Variants in PDZRN4 observed in about 807,000 individuals in gnomAD.
PDZRN4 encodes the protein PDZ domain-containing RING finger protein 4.
In PDZRN4, 70 loss-of-function variants were observed where a neutral mutation model predicts 99.0. That is an observed-to-expected ratio of 0.71 (90% CI 0.58 to 0.86). The LOEUF (loss-of-function observed/expected upper bound fraction) is 0.86. Ranked by LOEUF, PDZRN4 falls within the 40% of genes least tolerant of loss-of-function variation. The pLI, the probability that PDZRN4 is intolerant of heterozygous loss-of-function variation, is 0.00. For synonymous variants in PDZRN4, 551 were observed against 501.6 expected (o/e 1.10, Z -1.32); for missense variants, 1,474 against 1,331.2 (o/e 1.11, Z -1.67).
chr12:41,430,324 C>T (rs544283482), intron 3 of PDZRN4, among the ~76,000 whole-genome samples: 10 of 152,214 alleles, frequency 6.6e-5, no homozygotes, highest in African/African-American at 2.4e-4. Context: ...CAAAAATTAG[C>T]TGGGTGTGGT....
At chr12:41,517,853 G>A (rs1938429005) in intron 5 of PDZRN4, among the ~76,000 whole-genome samples, 1 of 152,012 alleles carries the variant, frequency 6.6e-6, no homozygotes, top group African/African-American at 2.4e-5. Flanking sequence ...TCTATGTGTA[G>A]TAACCATATA....
chr12:41,255,579 A>G (rs1951199339), intron 3 of PDZRN4, among the ~76,000 whole-genome samples: 1 of 152,132 alleles, frequency 6.6e-6, no homozygotes, highest in Non-Finnish European at 1.5e-5. Context: ...TTTTTATTAC[A>G]TTTTAACTTC....
chr12:41,395,515 C>T (rs1017922152), intron 3 of PDZRN4, among the ~76,000 whole-genome samples: 13 of 152,154 alleles, frequency 8.5e-5, no homozygotes, highest in African/African-American at 3.1e-4. Context: ...TTCTTTGCTG[C>T]TTCCAGTGAG....
In PDZRN4 at chr12:41,194,141, C is replaced by A. The variant is rs1950755410; in HGVS notation, c.796C>A (p.Pro266Thr). ...CGTTTCAAAAATTTTAGAAAATGGACCTGCTGACAGAGCAGATGGCCTGGA... is the reference window on the plus strand; with the variant it reads ...CGTTTCAAAAATTTTAGAAAATGGAACTGCTGACAGAGCAGATGGCCTGGA... Reference protein sequence around the residue: ...IYVSKILENGPADRADGLEIH... With the variant: ...IYVSKILENGTADRADGLEIH... Residue 266 changes from proline (P) to threonine (T), a missense_variant, in exon 3 of 10, where the codon CCT (proline) becomes ACT (threonine). By Grantham distance (38) the Pro-to-Thr change is conservative. Coordinates refer to ENST00000402685, the MANE Select transcript of PDZRN4 (RefSeq NM_001164595.2). The A allele has an allele frequency of 6.4e-7, 1 of 1,571,896 alleles. No individual in the cohort carries two copies. Among genetic ancestry groups the A allele is most frequent in the Non-Finnish European group, 8.7e-7 (1 of 1,154,792 alleles).
At chr12:41,287,239 C>G (rs1951427772) in intron 3 of PDZRN4, among the ~76,000 whole-genome samples, 2 of 152,184 alleles carry the variant, frequency 1.3e-5, no homozygotes. Context: ...CTGCTACAGC[C>G]ATAGTCATGG....
intron 3 of PDZRN4, among the ~76,000 whole-genome samples, chr12:41,300,061 T>C: frequency 6.6e-6 from 1 of 152,080 alleles, no homozygotes. Flanking sequence ...TATAGATGTA[T>C]TTATTTGTGT....
chr12:41,541,809 A>G (rs1471838224), intron 5 of PDZRN4, among the ~76,000 whole-genome samples: 1 of 152,134 alleles, frequency 6.6e-6, no homozygotes, highest in Non-Finnish European at 1.5e-5. Context: ...TCATTTTGCG[A>G]ATGTTTAGAC....
intron 3 of PDZRN4, among the ~76,000 whole-genome samples, chr12:41,350,573 G>A (rs973803711): frequency 1.3e-5 from 2 of 151,972 alleles, no homozygotes; most frequent in South Asian, 2.1e-4. Flanking sequence ...AAATAGAAAC[G>A]CATTCTCAAG....
intron 3 of PDZRN4, among the ~76,000 whole-genome samples, chr12:41,304,255 C>T (rs936797413): frequency 6.6e-6 from 1 of 152,062 alleles, no homozygotes; most frequent in African/African-American, 2.4e-5. Context: ...GATATCAGAT[C>T]AAAAGGAGTT....
At chr12:41,214,629 T>C (rs189298607) in intron 3 of PDZRN4, among the ~76,000 whole-genome samples, 24 of 151,980 alleles carry the variant, frequency 1.6e-4, no homozygotes, top group Admixed American at 8.5e-4. Flanking sequence ...GCATATGATT[T>C]TCTGCCTAGA....
At chr12:41,334,924 CTCTG>C (rs953750799) in intron 3 of PDZRN4, among the ~76,000 whole-genome samples, 11 of 152,002 alleles carry the variant, frequency 7.2e-5, no homozygotes, top group African/African-American at 9.7e-5. Context: ...AGTCTTTCAA[CTCTG>C]TCTGTGACAG....
At chr12:41,476,278 A>G (rs1311322731) in intron 3 of PDZRN4, among the ~76,000 whole-genome samples, 1 of 152,222 alleles carries the variant, frequency 6.6e-6, no homozygotes, top group Non-Finnish European at 1.5e-5. Context: ...AAATTGACTG[A>G]CACTACTCAT....
chr12:41,220,874 A>G (rs998727666), intron 3 of PDZRN4, among the ~76,000 whole-genome samples: 7 of 152,192 alleles, frequency 4.6e-5, no homozygotes, highest in Non-Finnish European at 8.8e-5. Context: ...ATGAAATACT[A>G]TAGAGAAAAG....
At chr12:41,379,198 T>C (rs1485578843) in intron 3 of PDZRN4, among the ~76,000 whole-genome samples, 3 of 151,504 alleles carry the variant, frequency 2.0e-5, no homozygotes. Flanking sequence ...ATCAGTTATA[T>C]CTCCTCTTTC....
At chr12:41,280,836 A>C (rs1951379733) in intron 3 of PDZRN4, among the ~76,000 whole-genome samples, 1 of 152,106 alleles carries the variant, frequency 6.6e-6, no homozygotes, top group Non-Finnish European at 1.5e-5. Context: ...ACAGCAGCGG[A>C]TCTCCCAGCA....
chr12:41,258,210 T>G (rs896658809), intron 3 of PDZRN4, among the ~76,000 whole-genome samples: 6 of 152,222 alleles, frequency 3.9e-5, no homozygotes, highest in Non-Finnish European at 8.8e-5. Flanking sequence ...TATTGTGTTG[T>G]AAATTGTAAA....
At chr12:41,213,534 G>C (rs1950901075) in intron 3 of PDZRN4, among the ~76,000 whole-genome samples, 1 of 151,994 alleles carries the variant, frequency 6.6e-6, no homozygotes, top group Non-Finnish European at 1.5e-5. Flanking sequence ...TCTGTGTCTG[G>C]TTGGGCCAGT....
intron 3 of PDZRN4, among the ~76,000 whole-genome samples, chr12:41,299,865 T>C (rs1471725930): frequency 1.3e-5 from 2 of 151,978 alleles, no homozygotes; most frequent in African/African-American, 4.8e-5. Context: ...CAATAACAGT[T>C]GATAGATAAT....
intron 3 of PDZRN4, among the ~76,000 whole-genome samples, chr12:41,323,438 G>A (rs992061123): frequency 6.6e-6 from 1 of 151,918 alleles, no homozygotes; most frequent in Non-Finnish European, 1.5e-5. Flanking sequence ...CAATAAAATA[G>A]AATAAAGCCC....
Sources: gnomAD v4.1 joint callset for allele counts (sites outside exome capture counted in the v4.1 genomes callset) on GRCh38, gnomAD v4.1.1 for gene constraint, MANE v1.5 for transcripts, NCBI Gene and HGNC (gene_info 2026-07-23, HGNC 2026-07-21) for gene names.